PRRC2B: variants seen among roughly 807,000 people sequenced by gnomAD.
The protein encoded by PRRC2B is protein PRRC2B.
Under a neutral mutation model 242.3 loss-of-function variants are expected in PRRC2B, and 68 were observed. The ratio of observed to expected loss-of-function variants is 0.28; its 90% CI spans 0.23 to 0.34. The LOEUF (loss-of-function observed/expected upper bound fraction) is 0.34, where lower values mean the gene tolerates loss of function less well. Ranked by LOEUF, PRRC2B falls within the 10% of genes least tolerant of loss-of-function variation. PRRC2B has a pLI of 1.00. For synonymous variants in PRRC2B, 1,228 were observed against 1,173.6 expected (o/e 1.05, Z -0.95); for missense variants, 2,835 against 2,954.8 (o/e 0.96, Z 0.94).
intron 1 of PRRC2B, among the ~76,000 whole-genome samples, chr9:131,420,493 C>CTTTCTTTCTTTCT: frequency 0.067 from 2,009 of 30,138 alleles, 144 homozygotes; most frequent in Non-Finnish European, 0.082. Context: ...TTCTTTCTTT[C>CTTTCTTTCTTTCT]TTTTTTTTTT....
rs200659950 is a variant in PRRC2B at position 131,381,751 on chromosome 9, TG to T, written c.-56+8021del. On this transcript the variant is annotated intron_variant, in intron 1 of 1. Coordinates refer to the PRRC2B transcript ENST00000682525. ...TTTTTAAGTTTGTTATTTTTATTATTGTTTTTTTGGGACAGTCTCGCTCTGT... is the reference window on the plus strand; with the variant it reads ...TTTTTAAGTTTGTTATTTTTATTATTTTTTTTTGGGACAGTCTCGCTCTGT... 3.4e-3 allele frequency among the ~76,000 whole-genome samples: 511 copies of T among 151,332 alleles called. 2 individuals carry two copies. Among genetic ancestry groups the T allele is most frequent in the Non-Finnish European group, 4.9e-3 (335 of 67,826 alleles).
Position 131,486,849 on chromosome 9 carries a change from A to G in PRRC2B, c.5857-318A>G, listed in dbSNP as rs553159469. Among the ~76,000 whole-genome samples, 4 of 152,320 alleles carry G rather than the reference A, an allele frequency of 2.6e-5. No homozygotes were observed. The South Asian group carries it at 8.3e-4, about 32-fold the overall frequency. ...TTCTTGCATAACTGGGTCAGACTGC[A>G]TGTATCTTTCTTTTTGTGCATTGTT... On this transcript the variant is annotated intron_variant, in intron 26 of 31. Coordinates refer to ENST00000683519, the MANE Select transcript of PRRC2B (RefSeq NM_013318.4).
intron 28 of PRRC2B, among the ~76,000 whole-genome samples, chr9:131,489,847 C>A (rs1944135389): frequency 6.6e-6 from 1 of 152,078 alleles, no homozygotes. Context: ...CGTAATCCCG[C>A]CCCCCACACC....
intron 10 of PRRC2B, 41 bp from the exon 11 acceptor site, chr9:131,459,123 C>A: frequency 6.3e-7 from 1 of 1,584,366 alleles, no homozygotes; most frequent in Non-Finnish European, 8.6e-7. Context: ...AAATGCTTGG[C>A]CTGAGTGCAA....
intron 8 of PRRC2B, 72 bp from the exon 9 acceptor site, chr9:131,447,590 T>C (rs1396616292): frequency 7.2e-7 from 1 of 1,383,334 alleles, no homozygotes; most frequent in African/African-American, 1.5e-5. Context: ...GTGGAATTTA[T>C]TTTTGGAAAG....
chr9:131,411,267 A>G (rs1837498749), intron 1 of PRRC2B, among the ~76,000 whole-genome samples: 1 of 151,898 alleles, frequency 6.6e-6, no homozygotes, highest in African/African-American at 2.4e-5. Context: ...CAGGGGAAGA[A>G]AGCTTTGTTA....
intron 28 of PRRC2B, among the ~76,000 whole-genome samples, chr9:131,490,036 T>A (rs72772636): frequency 0.01 from 1,528 of 152,264 alleles, 24 homozygotes; most frequent in Non-Finnish European, 0.013. Flanking sequence ...TTCCTTCATC[T>A]TCTCCTCACT....
chr9:131,418,295 A>G (rs1353357689), intron 1 of PRRC2B, among the ~76,000 whole-genome samples: 2 of 152,236 alleles, frequency 1.3e-5, no homozygotes, highest in African/African-American at 4.8e-5. Flanking sequence ...TTCCTTCTGG[A>G]AACTTGTGTG....
chr9:131,486,800 ATTG>A (rs1944037106), intron 26 of PRRC2B, among the ~76,000 whole-genome samples: 1 of 152,148 alleles, frequency 6.6e-6, no homozygotes, highest in Admixed American at 6.5e-5. Flanking sequence ...TAACTGCTGT[ATTG>A]TTTGGTTACC....
chr9:131,426,495 T>G (rs1003032162), intron 1 of PRRC2B, among the ~76,000 whole-genome samples: 1 of 152,158 alleles, frequency 6.6e-6, no homozygotes, highest in Non-Finnish European at 1.5e-5. Flanking sequence ...GATGCTCTTA[T>G]TAATTATGAC....
intron 1 of PRRC2B, among the ~76,000 whole-genome samples, chr9:131,420,338 C>T (rs181746000): frequency 6.6e-6 from 1 of 151,962 alleles, no homozygotes. Context: ...TATAGCTGAG[C>T]CCAGCCTTCA....
intron 1 of PRRC2B, among the ~76,000 whole-genome samples, chr9:131,428,994 C>G (rs1002073137): frequency 1.3e-5 from 2 of 152,106 alleles, no homozygotes; most frequent in African/African-American, 4.8e-5. Context: ...CTCGCTCTGT[C>G]GCCTAGACGG....
chr9:131,468,070 C>G (rs1943445007), intron 13 of PRRC2B, among the ~76,000 whole-genome samples: 3 of 152,208 alleles, frequency 2.0e-5, no homozygotes, highest in South Asian at 4.1e-4. Flanking sequence ...CTCCATTTTT[C>G]TAGTGTGCAG....
At chr9:131,422,795 G>T (rs1034939165) in intron 1 of PRRC2B, among the ~76,000 whole-genome samples, 12 of 152,224 alleles carry the variant, frequency 7.9e-5, no homozygotes, top group African/African-American at 2.9e-4. Flanking sequence ...CACAGCCTGG[G>T]AGCACTTCTT....
intron 19 of PRRC2B, among the ~76,000 whole-genome samples, chr9:131,480,314 A>G (rs1943821232): frequency 6.6e-6 from 1 of 152,242 alleles, no homozygotes; most frequent in Non-Finnish European, 1.5e-5. Context: ...CTACAAAATA[A>G]CATTCAACAT....
intron 14 of PRRC2B, among the ~76,000 whole-genome samples, chr9:131,472,333 C>CT (rs995751468): frequency 5.3e-5 from 8 of 152,222 alleles, no homozygotes; most frequent in African/African-American, 1.9e-4. Context: ...GAGACAGAGT[C>CT]TTGCTCTGTC....
chr9:131,495,591 T>G, intron 31 of PRRC2B, 149 bp from the exon 32 acceptor site: 7 of 820,874 alleles, frequency 8.5e-6, no homozygotes, highest in Non-Finnish European at 1.3e-5. Flanking sequence ...AGGAGGGGGG[T>G]TTCTAAGTCT....
chr9:131,453,231 T>G (rs1011295539), intron 9 of PRRC2B, among the ~76,000 whole-genome samples: 3 of 152,224 alleles, frequency 2.0e-5, no homozygotes, highest in African/African-American at 7.2e-5. Context: ...TCTGACTTAC[T>G]GTTTTCAGCG....
chr9:131,465,350 C>T (rs1413305428), intron 12 of PRRC2B, among the ~76,000 whole-genome samples: 1 of 152,102 alleles, frequency 6.6e-6, no homozygotes, highest in African/African-American at 2.4e-5. Flanking sequence ...TCCTATCACC[C>T]AGGTACTGAG....
Sources: allele counts gnomAD v4.1 joint callset (sites outside exome capture counted in the v4.1 genomes callset), GRCh38; gene constraint gnomAD v4.1.1; transcripts MANE v1.5; gene names NCBI Gene and HGNC (gene_info 2026-07-23, HGNC 2026-07-21).